Variants in CCDC178 observed in about 807,000 individuals in gnomAD.
CCDC178 encodes the protein coiled-coil domain containing 178, also known as coiled-coil domain-containing protein 178.
In CCDC178, 126 loss-of-function variants were observed where a neutral mutation model predicts 117.4. That is an observed-to-expected ratio of 1.07 (90% CI 0.93 to 1.24). The LOEUF (loss-of-function observed/expected upper bound fraction) is 1.24, where lower values mean the gene tolerates loss of function less well. Ranked by LOEUF, CCDC178 falls within the 50% of genes most tolerant of loss-of-function variation. The probability of loss-of-function intolerance (pLI) is 0.00; values close to 1 mark genes in which losing one functional copy is unlikely to be tolerated. For synonymous variants in CCDC178, 283 were observed against 313.4 expected, an observed-to-expected ratio of 0.90 and a Z score of 1.02; for missense variants, 1,030 against 986.9, an observed-to-expected ratio of 1.04 and a Z score of -0.59.
At chr18:33,064,578 G>A (rs1270367545) in intron 21 of CCDC178, among the ~76,000 whole-genome samples, 1 of 152,156 alleles carries the variant, frequency 6.6e-6, no homozygotes, top group Non-Finnish European at 1.5e-5. Flanking sequence ...TTTTTGATGA[G>A]GATGTGTAGA....
At chr18:33,067,019 T>C (rs920488428) in intron 21 of CCDC178, among the ~76,000 whole-genome samples, 3 of 152,302 alleles carry the variant, frequency 2.0e-5, no homozygotes. Context: ...CAAACATATG[T>C]AGAACATTTC....
intron 10 of CCDC178, chr18:33,328,060 A>G (rs2062608339): frequency 5.3e-6 from 2 of 376,556 alleles, no homozygotes; most frequent in African/African-American, 2.3e-5. Context: ...TCCAAATCCA[A>G]GGTCATAAAG....
intron 12 of CCDC178, among the ~76,000 whole-genome samples, chr18:33,289,589 T>C (rs1013381094): frequency 6.6e-6 from 1 of 151,980 alleles, no homozygotes; most frequent in African/African-American, 2.4e-5. Context: ...ACTCCAGCCC[T>C]GGTGACACTG....
In CCDC178 at chr18:33,296,892, C is replaced by T. The variant is rs114531633; in HGVS notation, c.1023-3580G>A. Reference sequence around the variant, plus strand: ...ATACAAAATTAGCCGAGAGTGGTGTCGTACACCTGTAATCCCACCTACTCG... The same window carrying T: ...ATACAAAATTAGCCGAGAGTGGTGTTGTACACCTGTAATCCCACCTACTCG... On this transcript the variant is annotated intron_variant, in intron 11 of 22. Coordinates refer to ENST00000383096, the MANE Select transcript of CCDC178 (RefSeq NM_001105528.4). Among the ~76,000 whole-genome samples, 376 of 152,072 alleles carry T rather than the reference C, an allele frequency of 2.5e-3. 3 individuals carry two copies. Among genetic ancestry groups the T allele is most frequent in the African/African-American group, 8.4e-3 (350 of 41,494 alleles).
intron 20 of CCDC178, among the ~76,000 whole-genome samples, chr18:33,129,157 T>C (rs369775517): frequency 1.3e-5 from 2 of 152,106 alleles, no homozygotes; most frequent in African/African-American, 4.8e-5. Context: ...GAATTAAAAA[T>C]ACATGAAACT....
intron 21 of CCDC178, among the ~76,000 whole-genome samples, chr18:33,025,993 A>G (rs1038814819): frequency 2.0e-5 from 3 of 152,156 alleles, no homozygotes; most frequent in Non-Finnish European, 4.4e-5. Context: ...GTGAATGGTT[A>G]AACAAACTAT....
chr18:33,235,828 A>G (rs1364451537), intron 15 of CCDC178, among the ~76,000 whole-genome samples: 1 of 152,148 alleles, frequency 6.6e-6, no homozygotes, highest in Non-Finnish European at 1.5e-5. Context: ...TTCCATCAAC[A>G]CTATAATTGA....
At chr18:33,023,944 T>C (rs2056173010) in intron 21 of CCDC178, among the ~76,000 whole-genome samples, 1 of 152,108 alleles carries the variant, frequency 6.6e-6, no homozygotes, top group South Asian at 2.1e-4. Flanking sequence ...ATCAAAAGAA[T>C]GACAAAGAAA....
intron 22 of CCDC178, 55 bp from the exon 23 acceptor site, chr18:32,938,146 C>T: frequency 8.3e-7 from 1 of 1,199,090 alleles, no homozygotes; most frequent in Non-Finnish European, 1.2e-6. Flanking sequence ...ATTAAGAAAA[C>T]AGAGCATTAT....
intron 20 of CCDC178, among the ~76,000 whole-genome samples, 155 bp from the exon 21 acceptor site, chr18:33,093,065 C>A (rs555074531): frequency 2.4e-4 from 36 of 152,112 alleles, no homozygotes; most frequent in Middle Eastern, 3.4e-3. Flanking sequence ...AAAAATGTTT[C>A]TCCTGATACC....
At chr18:33,113,774 A>G (rs796953396) in intron 20 of CCDC178, among the ~76,000 whole-genome samples, 4 of 152,192 alleles carry the variant, frequency 2.6e-5, no homozygotes, top group African/African-American at 9.6e-5. Context: ...ACTGCATGCA[A>G]GGGACACTAC....
chr18:33,120,568 C>T (rs999340383), intron 20 of CCDC178, among the ~76,000 whole-genome samples: 4 of 152,060 alleles, frequency 2.6e-5, no homozygotes, highest in Admixed American at 2.6e-4. Flanking sequence ...TTTGGGTCAA[C>T]CCACCTGGAA....
intron 21 of CCDC178, among the ~76,000 whole-genome samples, chr18:33,084,016 G>A (rs1051823101): frequency 6.6e-6 from 1 of 152,172 alleles, no homozygotes; most frequent in East Asian, 1.9e-4. Flanking sequence ...TTGTTGAAAA[G>A]ACTATGCTGC....
In CCDC178 at chr18:33,046,296, T is replaced by C. The variant is rs9948145; in HGVS notation, c.2388+46465A>G. ...TCTCCTCACACTTAGAAATCTTTGATAACTTGGCCAGGGACACACAATTGC... is the reference window on the plus strand; with the variant it reads ...TCTCCTCACACTTAGAAATCTTTGACAACTTGGCCAGGGACACACAATTGC... On this transcript the variant is annotated intron_variant, in intron 21 of 22. Transcript: ENST00000383096. Among the ~76,000 whole-genome samples the C allele has an allele frequency of 9.1e-4, 139 of 152,242 alleles. 1 individual carries two copies. The highest frequency in any genetic ancestry group is 3.2e-3 in the African/African-American group (134 of 41,558).
chr18:33,023,972 T>C (rs1301821789), intron 21 of CCDC178, among the ~76,000 whole-genome samples: 1 of 152,168 alleles, frequency 6.6e-6, no homozygotes, highest in Non-Finnish European at 1.5e-5. Context: ...AACAATTCTG[T>C]AAATATAACT....
intron 20 of CCDC178, among the ~76,000 whole-genome samples, chr18:33,157,257 C>G (rs994199308): frequency 6.6e-6 from 1 of 152,160 alleles, no homozygotes; most frequent in African/African-American, 2.4e-5. Context: ...CTTTGACTTT[C>G]CAGTCATACA....
At chr18:33,186,245 T>C (rs114246315) in intron 20 of CCDC178, among the ~76,000 whole-genome samples, 1 of 152,172 alleles carries the variant, frequency 6.6e-6, no homozygotes, top group African/African-American at 2.4e-5. Flanking sequence ...ATTATTCTGA[T>C]TTTCAATCTA....
At chr18:33,032,335 T>A (rs1567944647) in intron 21 of CCDC178, among the ~76,000 whole-genome samples, 2 of 152,070 alleles carry the variant, frequency 1.3e-5, no homozygotes, top group Non-Finnish European at 2.9e-5. Context: ...TTTTTCAAAG[T>A]CAGCATTAGA....
intron 4 of CCDC178, among the ~76,000 whole-genome samples, chr18:33,391,157 A>T (rs892221703): frequency 7.9e-5 from 12 of 151,628 alleles, no homozygotes; most frequent in African/African-American, 1.4e-4. Flanking sequence ...AATAAAATGT[A>T]TACAATTATT....
Sources: allele counts gnomAD v4.1 joint callset (sites outside exome capture counted in the v4.1 genomes callset), GRCh38; gene constraint gnomAD v4.1.1; transcripts MANE v1.5; gene names NCBI Gene and HGNC (gene_info 2026-07-23, HGNC 2026-07-21).